CLASRP: variants seen among roughly 807,000 people sequenced by gnomAD.
CLASRP encodes the protein CLK4-associating serine/arginine rich protein.
In CLASRP, 52 loss-of-function variants were observed where a neutral mutation model predicts 99.9. The observed-to-expected ratio is 0.52, with a 90% CI of 0.42 to 0.66. CLASRP has a LOEUF of 0.66. Ranked by LOEUF, CLASRP falls within the 30% of genes least tolerant of loss-of-function variation. CLASRP has a pLI of 0.00. For synonymous variants in CLASRP, 379 were observed against 373.0 expected (o/e 1.02, Z -0.18); for missense variants, 848 against 999.2 (o/e 0.85, Z 2.04).
At chr19:45,065,352 C>T (rs374720471) in intron 13 of CLASRP, among the ~76,000 whole-genome samples, 12 of 146,782 alleles carry the variant, frequency 8.2e-5, no homozygotes, top group African/African-American at 2.5e-4. Context: ...ATCGTGCCAC[C>T]GCACTCTAGC....
intron 11 of CLASRP, among the ~76,000 whole-genome samples, chr19:45,063,436 C>CTGTTTTTTTTTTTT (rs1966986677): frequency 2.4e-5 from 1 of 42,348 alleles, no homozygotes; most frequent in Non-Finnish European, 4.6e-5. Context: ...ATCTGCTTAT[C>CTGTTTTTTTTTTTT]TTTTTTTTTT....
In CLASRP at chr19:45,064,524, T is replaced by TCCCGTAGCC. The variant is rs1967034131; in HGVS notation, c.1304_1312dup (p.Ser437_Arg438insProArgSer). The stretch of plus-strand genomic sequence containing the variant: ...CTCCCGCTCCCGGCGCTATTCCCGG[T>TCCCGTAGCC]CCCGTAGCCGTGGCCGGCGGCACTC... On this transcript the variant is annotated inframe_insertion, in exon 13 of 21. Coordinates refer to ENST00000221455, the MANE Select transcript of CLASRP (RefSeq NM_007056.3). 1 of 1,537,500 alleles carries TCCCGTAGCC rather than the reference T, an allele frequency of 6.5e-7. No individual in the cohort carries two copies. The highest frequency in any genetic ancestry group is 1.4e-5 in the African/African-American group (1 of 73,058).
chr19:45,065,776 C>T (rs1967073088), intron 13 of CLASRP, among the ~76,000 whole-genome samples: 1 of 152,088 alleles, frequency 6.6e-6, no homozygotes, highest in African/African-American at 2.4e-5. Context: ...AGTCCCTGGG[C>T]CTCTAATTCT....
intron 1 of CLASRP, 120 bp from the exon 2 acceptor site, chr19:45,040,064 C>G: frequency 1.7e-6 from 1 of 583,162 alleles, no homozygotes; most frequent in South Asian, 1.9e-5. Flanking sequence ...ACTTCTGCTC[C>G]CTGAAGCTAA....
At chr19:45,052,922 A>G in intron 4 of CLASRP, 30 bp downstream of exon 4, 1 of 1,571,434 alleles carries the variant, frequency 6.4e-7, no homozygotes, top group Non-Finnish European at 8.7e-7. Flanking sequence ...GTTGCCAGGC[A>G]CAGCGTCATA....
At chr19:45,066,981 G>A (rs890067243) in intron 13 of CLASRP, among the ~76,000 whole-genome samples, 2 of 150,164 alleles carry the variant, frequency 1.3e-5, no homozygotes, top group Admixed American at 1.3e-4. Context: ...GTGGAACACT[G>A]TTGTGCCTGA....
At chr19:45,042,602 G>A (rs898905455) in intron 2 of CLASRP, among the ~76,000 whole-genome samples, 4 of 151,226 alleles carry the variant, frequency 2.6e-5, no homozygotes, top group East Asian at 1.9e-4. Flanking sequence ...TTCAAAATCC[G>A]AAATGCTCCA....
Position 45,069,596 on chromosome 19 carries a change from A to G in CLASRP, c.1874+348A>G, listed in dbSNP as rs1351210842. The G allele has an allele frequency of 1.2e-5, 6 of 496,966 alleles. No individual in the cohort carries two copies. In the East Asian group the frequency reaches 1.8e-4, roughly 15 times the overall value. 30.8% of individuals were successfully genotyped at this position (496,966 alleles called of 1,614,324 possible). A position where few individuals can be genotyped will look rare whatever the true frequency, so the allele number is the denominator to read the frequency against. ...CTCCTGTCCCAGCCTCAGTTTGCTTATCTCCTAAATGGAGATACAGTCACT... is the reference window on the plus strand; with the variant it reads ...CTCCTGTCCCAGCCTCAGTTTGCTTGTCTCCTAAATGGAGATACAGTCACT... On this transcript the variant is annotated intron_variant, in intron 18 of 20. Transcript: ENST00000221455.
At chr19:45,061,385 T>A (rs1312144121) in intron 10 of CLASRP, among the ~76,000 whole-genome samples, 1 of 151,972 alleles carries the variant, frequency 6.6e-6, no homozygotes. Flanking sequence ...TGGATCCCAG[T>A]TTCCTCCTTT....
At chr19:45,058,553 T>G (rs1398029554) in intron 7 of CLASRP, among the ~76,000 whole-genome samples, 2 of 152,096 alleles carry the variant, frequency 1.3e-5, no homozygotes, top group Admixed American at 6.6e-5. Flanking sequence ...GCCCAGCTAA[T>G]TTTTGTACTT....
chr19:45,040,227 T>A lies in CLASRP; in HGVS notation c.15T>A (p.Ala5=). The change falls in exon 2 of 21, where the codon GCT becomes GCA. Residue 5 remains alanine (A), a synonymous_variant. Coordinates refer to ENST00000221455, the MANE Select transcript of CLASRP (RefSeq NM_007056.3). ...GCCTCACCACAATGTGGCACGAGGC[T>A]CGGAAGCATGAGCGGAAGCTTCGAG... MWHE[A]RKHERKLRGM... is the part of the protein sequence containing the mutation. 1 of 1,609,342 alleles carries A rather than the reference T, an allele frequency of 6.2e-7. No individual in the cohort carries two copies. Among genetic ancestry groups the A allele is most frequent in the South Asian group, 1.1e-5 (1 of 89,814 alleles).
chr19:45,063,603 T>C (rs2035470060), intron 11 of CLASRP, among the ~76,000 whole-genome samples: 1 of 151,804 alleles, frequency 6.6e-6, no homozygotes, highest in Admixed American at 6.6e-5. Context: ...CGCGCCACCA[T>C]GCTCGGCAAA....
chr19:45,064,289 A>T (rs563580056), intron 12 of CLASRP, 54 bp from the exon 13 acceptor site: 1 of 1,512,678 alleles, frequency 6.6e-7, no homozygotes, highest in East Asian at 2.4e-5. Context: ...CCCGGGGCAG[A>T]GGGGGGCCGC....
intron 20 of CLASRP, 69 bp from the exon 21 acceptor site, chr19:45,070,734 C>T: frequency 2.9e-6 from 4 of 1,396,112 alleles, no homozygotes; most frequent in Non-Finnish European, 4.1e-6. Flanking sequence ...ATCACTGAAG[C>T]ATCCACGGCC....
chr19:45,066,305 A>G (rs1332519771), intron 13 of CLASRP, among the ~76,000 whole-genome samples: 1 of 151,964 alleles, frequency 6.6e-6, no homozygotes, highest in Non-Finnish European at 1.5e-5. Flanking sequence ...TTTCTAGTAG[A>G]GACGGGGTTT....
At chr19:45,052,495 C>G (rs570452510) in intron 3 of CLASRP, among the ~76,000 whole-genome samples, 1 of 152,220 alleles carries the variant, frequency 6.6e-6, no homozygotes, top group South Asian at 2.1e-4. Context: ...CAAATACCCT[C>G]TAGGACCTGG....
intron 11 of CLASRP, 88 bp downstream of exon 11, chr19:45,062,283 C>G: frequency 1.2e-6 from 1 of 821,824 alleles, no homozygotes; most frequent in African/African-American, 1.7e-5. Context: ...GAGGTTCACC[C>G]TGCTAGGCCA....
chr19:45,042,793 T>C (rs1300370569), intron 2 of CLASRP, among the ~76,000 whole-genome samples: 3 of 152,076 alleles, frequency 2.0e-5, no homozygotes, highest in Non-Finnish European at 4.4e-5. Flanking sequence ...ATTTTTGCAC[T>C]TTTGGTAGAG....
intron 2 of CLASRP, among the ~76,000 whole-genome samples, chr19:45,050,964 C>G (rs1972012088): frequency 6.6e-6 from 1 of 152,002 alleles, no homozygotes; most frequent in Admixed American, 6.6e-5. Flanking sequence ...GGTGATCCGC[C>G]TGCCTCGGCC....
Sources: gnomAD v4.1 joint callset for allele counts (sites outside exome capture counted in the v4.1 genomes callset) on GRCh38, gnomAD v4.1.1 for gene constraint, MANE v1.5 for transcripts, NCBI Gene and HGNC (gene_info 2026-07-23, HGNC 2026-07-21) for gene names.